The following SOX5 variants were observed in gnomAD, a reference collection of about 807,000 sequenced individuals.
The protein encoded by SOX5 is transcription factor SOX-5.
In SOX5, 9 loss-of-function variants were observed where a neutral mutation model predicts 92.0. The ratio of observed to expected loss-of-function variants is 0.10; its 90% CI spans 0.06 to 0.17. The LOEUF (loss-of-function observed/expected upper bound fraction) is 0.17, where lower values mean the gene tolerates loss of function less well. Among genes scored for constraint, SOX5 ranks in the 10% least tolerant of loss-of-function variants. The probability of loss-of-function intolerance (pLI) is 1.00; values close to 1 mark genes in which losing one functional copy is unlikely to be tolerated. For missense variants in SOX5, 642 were observed against 944.5 expected (o/e 0.68, Z 4.20); for synonymous variants, 344 against 336.3 (o/e 1.02, Z -0.25).
chr12:24,424,249 AAAAGT>A (rs1182050462), intron 1 of SOX5, among the ~76,000 whole-genome samples: 1 of 152,190 alleles, frequency 6.6e-6, no homozygotes, highest in Non-Finnish European at 1.5e-5. Flanking sequence ...TGAGTTTTTT[AAAAGT>A]AATACCTTCA....
chr12:23,974,847 A>T (rs554661439), intron 4 of SOX5, among the ~76,000 whole-genome samples: 1 of 152,312 alleles, frequency 6.6e-6, no homozygotes, highest in East Asian at 1.9e-4. Flanking sequence ...AAATTAATAA[A>T]AGAAGGAAAA....
At chr12:24,418,072 A>G (rs1965323177) in intron 1 of SOX5, among the ~76,000 whole-genome samples, 1 of 152,156 alleles carries the variant, frequency 6.6e-6, no homozygotes, top group Non-Finnish European at 1.5e-5. Context: ...TGGATGCTTT[A>G]TATCATATTG....
chr12:24,469,208 CCAGGTTCCTATGAGACTT>C (rs958063298), intron 1 of SOX5, among the ~76,000 whole-genome samples: 23 of 152,024 alleles, frequency 1.5e-4, no homozygotes, highest in African/African-American at 5.1e-4. Context: ...ACAGTAGGGT[CCAGGTTCCTATGAGACTT>C]TAACGTCACA....
At chr12:24,057,352 A>T (rs1024593501) in intron 4 of SOX5, among the ~76,000 whole-genome samples, 2 of 152,252 alleles carry the variant, frequency 1.3e-5, no homozygotes, top group Non-Finnish European at 2.9e-5. Context: ...ACTGAAGCAC[A>T]GCAAACATTG....
chr12:23,928,530 G>A (rs1399187283), intron 1 of SOX5, among the ~76,000 whole-genome samples: 1 of 151,448 alleles, frequency 6.6e-6, no homozygotes, highest in Admixed American at 6.6e-5. Context: ...TTGTTAAGCT[G>A]AAATACATAA....
rs573334687 is a variant in SOX5, at chr12:23,747,391, G to A, written c.569-6352C>T. 2.6e-5 allele frequency among the ~76,000 whole-genome samples: 4 copies of A among 152,208 alleles called. No individual in the cohort carries two copies. In the South Asian group the frequency reaches 8.3e-4, roughly 32 times the overall value. ...TTATCTGCTTAGAAAGGTAAATCAA[G>A]TCATGCCATATGGCTGTATAAAACT... is the stretch of plus-strand genomic sequence containing the variant. On this transcript the variant is annotated intron_variant, in intron 4 of 14. Transcript: ENST00000451604.
At chr12:23,956,684 C>T (rs1569256461) in intron 4 of SOX5, among the ~76,000 whole-genome samples, 3 of 149,488 alleles carry the variant, frequency 2.0e-5, no homozygotes, top group Non-Finnish European at 4.5e-5. Context: ...TTGCCTAAGT[C>T]TTTTTTTTTT....
chr12:23,836,545 T>C (rs1259928967), intron 3 of SOX5, among the ~76,000 whole-genome samples: 3 of 152,038 alleles, frequency 2.0e-5, no homozygotes, highest in Non-Finnish European at 4.4e-5. Context: ...CTAATTTTCT[T>C]TGTAACCATT....
At chr12:23,791,617 G>A (rs1457558022) in intron 3 of SOX5, among the ~76,000 whole-genome samples, 1 of 151,972 alleles carries the variant, frequency 6.6e-6, no homozygotes, top group Non-Finnish European at 1.5e-5. Flanking sequence ...TGTTGTGAAG[G>A]TATATCACAT....
chr12:24,339,140 TTC>T (rs56093303), intron 2 of SOX5, among the ~76,000 whole-genome samples: 3,204 of 125,126 alleles, frequency 0.026, 89 homozygotes, highest in African/African-American at 0.084. Context: ...CTGTCTCTGT[TTC>T]TCTCTCTCTC....
chr12:24,139,318 C>T (rs1165353422), intron 4 of SOX5, among the ~76,000 whole-genome samples: 4 of 152,120 alleles, frequency 2.6e-5, no homozygotes, highest in East Asian at 1.9e-4. Flanking sequence ...TTTAATAGCT[C>T]GCTTCTTCTA....
chr12:23,986,210 A>T (rs1018733355), intron 4 of SOX5, among the ~76,000 whole-genome samples: 2 of 152,170 alleles, frequency 1.3e-5, no homozygotes, highest in Admixed American at 6.5e-5. Flanking sequence ...TAAGCAATAA[A>T]TCTATCTTTA....
At chr12:24,047,027 C>T (rs916069411) in intron 4 of SOX5, among the ~76,000 whole-genome samples, 2 of 138,442 alleles carry the variant, frequency 1.4e-5, no homozygotes, top group Non-Finnish European at 3.1e-5. Context: ...CATCTCCAAC[C>T]TATTCAAAAT....
rs148025063 is a variant in SOX5 at position 24,129,234 on chromosome 12, A to AT, written c.-2+84108dup. Reference sequence around the variant, plus strand: ...ACCTTTTCATTTGAATAAACCCCTTATTGTCATTAGCAACATATTAACAGC... The same window carrying AT: ...ACCTTTTCATTTGAATAAACCCCTTATTTGTCATTAGCAACATATTAACAGC... On this transcript the variant is annotated intron_variant, in intron 4 of 4. Coordinates refer to the SOX5 transcript ENST00000446891. Among the ~76,000 whole-genome samples, 73 of 152,316 alleles carry AT rather than the reference A, an allele frequency of 4.8e-4. 1 individual carries two copies. In the East Asian group the frequency reaches 0.014, roughly 29 times the overall value.
chr12:23,871,453 T>C (rs559194217), intron 2 of SOX5, among the ~76,000 whole-genome samples: 1 of 152,242 alleles, frequency 6.6e-6, no homozygotes, highest in African/African-American at 2.4e-5. Context: ...AGACCCAAAA[T>C]GATTAAACAT....
At chr12:24,331,799 GA>G (rs1421600553) in intron 2 of SOX5, among the ~76,000 whole-genome samples, 3 of 118,494 alleles carry the variant, frequency 2.5e-5, no homozygotes, top group Non-Finnish European at 4.8e-5. Context: ...ACTGAGTTGA[GA>G]TCATGCCACT....
chr12:24,373,640 G>A (rs1345819849), intron 1 of SOX5, among the ~76,000 whole-genome samples: 2 of 152,032 alleles, frequency 1.3e-5, no homozygotes, highest in Non-Finnish European at 2.9e-5. Flanking sequence ...ATGCATATGG[G>A]TGTATAGCTA....
intron 4 of SOX5, among the ~76,000 whole-genome samples, chr12:24,059,298 T>G (rs1939206182): frequency 6.6e-6 from 1 of 152,170 alleles, no homozygotes; most frequent in Non-Finnish European, 1.5e-5. Context: ...AATCTTTATC[T>G]GAAAAGGAAA....
chr12:23,799,326 C>T (rs1033476204), intron 3 of SOX5, among the ~76,000 whole-genome samples: 19 of 151,956 alleles, frequency 1.3e-4, no homozygotes, highest in African/African-American at 4.6e-4. Flanking sequence ...CCTTCTAATG[C>T]CCATTAATTC....
Sources: allele counts gnomAD v4.1 joint callset (sites outside exome capture counted in the v4.1 genomes callset), GRCh38; gene constraint gnomAD v4.1.1; transcripts MANE v1.5; gene names NCBI Gene and HGNC (gene_info 2026-07-23, HGNC 2026-07-21).